The following ALK variants were observed in gnomAD, a reference collection of about 807,000 sequenced individuals.
ALK encodes ALK tyrosine kinase receptor.
A neutral mutation model predicts 163.1 loss-of-function variants in ALK; 74 were observed. The observed-to-expected ratio is 0.45, with a 90% confidence interval of 0.38 to 0.55. The LOEUF is 0.55. Among genes scored for constraint, ALK ranks in the 20% least tolerant of loss-of-function variants. ALK has a pLI of 0.00. For synonymous variants in ALK, 960 were observed against 843.2 expected, an observed-to-expected ratio of 1.14 and a Z score of -2.40; for missense variants, 2,063 against 2,105.3, an observed-to-expected ratio of 0.98 and a Z score of 0.39.
chr2:29,512,625 A>G lies in ALK; in HGVS notation c.1154+19290T>C, dbSNP rs1440406251. Among the ~76,000 whole-genome samples, 4 of 149,190 alleles carry G rather than the reference A, an allele frequency of 2.7e-5. No individual in the cohort carries two copies. In the Admixed American group the frequency reaches 2.7e-4, roughly 10 times the overall value. On this transcript the variant is annotated intron_variant, in intron 4 of 28. Coordinates refer to ENST00000389048, the MANE Select transcript of ALK (RefSeq NM_004304.5). ...CCCTCTCTCACCACTCCTATTCAAC[A>G]TAGTGTTGGAAGTTCTGGCCAGGGC...
chr2:29,799,974 C>T lies in ALK; in HGVS notation c.668-82277G>A, dbSNP rs377499080. Among the ~76,000 whole-genome samples the T allele has an allele frequency of 1.7e-3, 262 of 152,258 alleles. 1 individual carries two copies. The highest frequency in any genetic ancestry group is 7.9e-3 in the East Asian group (41 of 5,186). On this transcript the variant is annotated intron_variant, in intron 1 of 28. Coordinates refer to ENST00000389048, the MANE Select transcript of ALK (RefSeq NM_004304.5). ...ACTTTCTCTGTACCTGGCACTGTGC[C>T]GCATTAGGGTGCAGAATAGGACAAA...
chr2:29,863,971 C>A (rs1164898299), intron 1 of ALK, among the ~76,000 whole-genome samples: 2 of 152,196 alleles, frequency 1.3e-5, no homozygotes, highest in Non-Finnish European at 2.9e-5. Flanking sequence ...TGCATCTAAT[C>A]CTATCTTGAC....
intron 3 of ALK, among the ~76,000 whole-genome samples, chr2:29,599,644 A>G (rs143597455): frequency 8.1e-4 from 123 of 152,362 alleles, no homozygotes; most frequent in African/African-American, 2.8e-3. Flanking sequence ...CTTCTTGAAG[A>G]TAGAAAATTG....
chr2:29,705,963 G>A (rs1475726263), intron 2 of ALK, among the ~76,000 whole-genome samples: 1 of 152,204 alleles, frequency 6.6e-6, no homozygotes, highest in Non-Finnish European at 1.5e-5. Flanking sequence ...AAAAGGAAAA[G>A]GGGTGGAGAA....
chr2:29,734,906 A>C (rs1317034014), intron 1 of ALK, among the ~76,000 whole-genome samples: 3 of 152,146 alleles, frequency 2.0e-5, no homozygotes, highest in Non-Finnish European at 2.9e-5. Context: ...AATGAGATAG[A>C]TAATCTTATA....
At chr2:29,341,765 G>C (rs772463590) in intron 5 of ALK, among the ~76,000 whole-genome samples, 37 of 152,216 alleles carry the variant, frequency 2.4e-4, no homozygotes, top group Admixed American at 4.6e-4. Context: ...AGAAGGTTTG[G>C]TGTTATCAAA....
chr2:29,574,962 G>C (rs558175944), intron 3 of ALK, among the ~76,000 whole-genome samples: 1 of 152,138 alleles, frequency 6.6e-6, no homozygotes, highest in Non-Finnish European at 1.5e-5. Flanking sequence ...ATACCTGCAC[G>C]GCAACTTCAG....
At chr2:29,466,008 A>G (rs1432591071) in intron 4 of ALK, among the ~76,000 whole-genome samples, 1 of 152,206 alleles carries the variant, frequency 6.6e-6, no homozygotes, top group Non-Finnish European at 1.5e-5. Context: ...TAGTCATATT[A>G]TTTGAAGGCA....
chr2:29,859,850 A>T (rs1324293080), intron 1 of ALK, among the ~76,000 whole-genome samples: 1 of 152,194 alleles, frequency 6.6e-6, no homozygotes, highest in African/African-American at 2.4e-5. Flanking sequence ...GGCTCGGAAG[A>T]TGTGAAAATT....
At chr2:29,366,375 C>T (rs1668508035) in intron 5 of ALK, among the ~76,000 whole-genome samples, 1 of 152,130 alleles carries the variant, frequency 6.6e-6, no homozygotes, top group South Asian at 2.1e-4. Context: ...CAAGTTAGCA[C>T]TGGACCGCTT....
chr2:29,303,695 C>T (rs147598142), intron 8 of ALK, among the ~76,000 whole-genome samples: 53 of 152,296 alleles, frequency 3.5e-4, no homozygotes, highest in Middle Eastern at 3.4e-3. Flanking sequence ...TGGAATACTA[C>T]AGAGCCATAA....
intron 8 of ALK, among the ~76,000 whole-genome samples, chr2:29,314,332 G>A (rs146869837): frequency 1.1e-4 from 17 of 152,160 alleles, no homozygotes; most frequent in African/African-American, 3.9e-4. Flanking sequence ...CCATGTAGAC[G>A]TGGAAGGGGC....
chr2:29,347,261 T>C lies in ALK; in HGVS notation c.1283-18780A>G, dbSNP rs151337705. Among the ~76,000 whole-genome samples the C allele has an allele frequency of 4.8e-3, 726 of 152,308 alleles. 8 individuals carry two copies. The highest frequency in any genetic ancestry group is 0.017 in the African/African-American group (700 of 41,572). On this transcript the variant is annotated intron_variant, in intron 5 of 28. Transcript: ENST00000389048. Reference sequence around the variant, plus strand: ...ATTCTAAGAGTGGGGTCTCTGGCCCTGCCTGAGGAGAGAGATCCTGGCCAT... The same window carrying C: ...ATTCTAAGAGTGGGGTCTCTGGCCCCGCCTGAGGAGAGAGATCCTGGCCAT...
intron 1 of ALK, among the ~76,000 whole-genome samples, chr2:29,783,236 G>T (rs777590710): frequency 7.9e-5 from 12 of 152,022 alleles, no homozygotes; most frequent in Non-Finnish European, 1.6e-4. Context: ...ATGCTAAATT[G>T]TCACCTGACA....
intron 1 of ALK, among the ~76,000 whole-genome samples, chr2:29,857,867 G>A (rs1666184105): frequency 6.6e-6 from 1 of 152,238 alleles, no homozygotes; most frequent in African/African-American, 2.4e-5. Flanking sequence ...CTTGAGGCAA[G>A]TGTAGACTCA....
chr2:29,204,937 G>A (rs555770580), intron 26 of ALK, among the ~76,000 whole-genome samples: 4 of 152,202 alleles, frequency 2.6e-5, no homozygotes, highest in South Asian at 2.1e-4. Flanking sequence ...GGCTGAGGTC[G>A]TTATTTGTCA....
At chr2:29,832,948 G>C (rs1004791854) in intron 1 of ALK, among the ~76,000 whole-genome samples, 5 of 152,212 alleles carry the variant, frequency 3.3e-5, no homozygotes, top group African/African-American at 1.2e-4. Context: ...AGTATGTGTA[G>C]GGATTGACAG....
chr2:29,405,494 C>G (rs1006865947), intron 4 of ALK, among the ~76,000 whole-genome samples: 2 of 152,180 alleles, frequency 1.3e-5, no homozygotes, highest in African/African-American at 4.8e-5. Context: ...GCATTTTCAG[C>G]AAAGCGTGTC....
chr2:29,470,633 A>G (rs1486700016), intron 4 of ALK, among the ~76,000 whole-genome samples: 1 of 152,160 alleles, frequency 6.6e-6, no homozygotes, highest in Non-Finnish European at 1.5e-5. Flanking sequence ...ACCCAGTGAG[A>G]ATATTCTTCA....
Sources: gnomAD v4.1 joint callset for allele counts (sites outside exome capture counted in the v4.1 genomes callset) on GRCh38, gnomAD v4.1.1 for gene constraint, MANE v1.5 for transcripts, NCBI Gene and HGNC (gene_info 2026-07-23, HGNC 2026-07-21) for gene names.